Variants in ZNF395 observed in about 807,000 individuals in gnomAD.
ZNF395 encodes zinc finger protein 395, also known as HD gene regulatory region-binding protein 2.
A neutral mutation model predicts 57.7 loss-of-function variants in ZNF395; 20 were observed. The observed-to-expected ratio is 0.35, with a 90% CI of 0.24 to 0.50. The LOEUF (loss-of-function observed/expected upper bound fraction) is 0.50. Among genes scored for constraint, ZNF395 ranks in the 20% least tolerant of loss-of-function variants. The probability of loss-of-function intolerance (pLI) is 0.97; values close to 1 mark genes in which losing one functional copy is unlikely to be tolerated. For missense variants in ZNF395, 606 were observed against 671.2 expected (o/e 0.90, Z 1.07); for synonymous variants, 295 against 275.9 (o/e 1.07, Z -0.69).
chr8:28,357,858 A>G (rs1467719555), intron 3 of ZNF395, among the ~76,000 whole-genome samples: 3 of 152,228 alleles, frequency 2.0e-5, no homozygotes, highest in African/African-American at 4.8e-5. Flanking sequence ...CACATCTTGT[A>G]TATAAGACAA....
At chr8:28,383,263 G>A (rs1802131665) in intron 1 of ZNF395, among the ~76,000 whole-genome samples, 1 of 152,106 alleles carries the variant, frequency 6.6e-6, no homozygotes. Context: ...GTTGAGGCTT[G>A]GGGAATTTGT....
chr8:28,350,151 C>T lies in ZNF395; in HGVS notation c.1239G>A (p.Leu413=). The T allele has an allele frequency of 6.2e-7, 1 of 1,604,672 alleles. No homozygotes were observed. The highest frequency in any genetic ancestry group is 8.5e-7 in the Non-Finnish European group (1 of 1,177,128). Residue 413 remains leucine, a synonymous_variant, in exon 8 of 10, where the codon CTG becomes CTA. Coordinates refer to ENST00000344423, the MANE Select transcript of ZNF395 (RefSeq NM_018660.3). The part of the protein sequence containing the change: ...HIQADHAYQA[L]PSFQIPVSPH... ...GTGAGACTGGGATCTGGAAGGATGGCAGAGCCTGCGGAAGACGAGGGTGTC... is the reference window on the plus strand; with the variant it reads ...GTGAGACTGGGATCTGGAAGGATGGTAGAGCCTGCGGAAGACGAGGGTGTC...
chr8:28,385,672 C>T (rs947758253), intron 1 of ZNF395, among the ~76,000 whole-genome samples: 1 of 148,602 alleles, frequency 6.7e-6, no homozygotes, highest in African/African-American at 2.4e-5. Context: ...GGGCGGGCGG[C>T]CCCGCCGGAA....
In ZNF395 at chr8:28,356,935, G is replaced by A. The variant is rs964717703; in HGVS notation, c.474-156C>T. ...GCCCCCAACTCCAATCAGCCAGTGTGTGCTCAGATCATATAAACTCAGTGA... is the reference window on the plus strand; with the variant it reads ...GCCCCCAACTCCAATCAGCCAGTGTATGCTCAGATCATATAAACTCAGTGA... On this transcript the variant is annotated intron_variant, in intron 3 of 9. Coordinates refer to ENST00000344423, the MANE Select transcript of ZNF395 (RefSeq NM_018660.3). This position sits in a 1 kb window ranked among gnomAD's most constrained non-coding sequence, Gnocchi z 4.0. Among the ~76,000 whole-genome samples, 1 of 152,176 alleles carries A rather than the reference G, an allele frequency of 6.6e-6. No homozygotes were observed. Among genetic ancestry groups the A allele is most frequent in the African/African-American group, 2.4e-5 (1 of 41,436 alleles).
At chr8:28,360,156 A>G (rs1038858576) in intron 2 of ZNF395, among the ~76,000 whole-genome samples, 1 of 152,162 alleles carries the variant, frequency 6.6e-6, no homozygotes, top group Non-Finnish European at 1.5e-5. Flanking sequence ...CTGGTGCCCA[A>G]CTGCCACTCT....
At chr8:28,385,404 C>CCG (rs1554520848) in intron 1 of ZNF395, 20 of 150,410 alleles carry the variant, frequency 1.3e-4, no homozygotes, top group Admixed American at 1.2e-3. Flanking sequence ...GCAGCCCCGC[C>CCG]CCCCCCCCGG....
At chr8:28,371,608 T>C (rs1196639671) in intron 1 of ZNF395, among the ~76,000 whole-genome samples, 1 of 152,214 alleles carries the variant, frequency 6.6e-6, no homozygotes, top group East Asian at 1.9e-4. Context: ...AATGTGGTAT[T>C]AGTGGTTGTG....
chr8:28,353,139 A>G (rs1235605005), intron 5 of ZNF395, 34 bp downstream of exon 5: 2 of 1,605,346 alleles, frequency 1.2e-6, no homozygotes, highest in East Asian at 4.5e-5. Context: ...CATCCGCTCC[A>G]GCCTGGGCTC....
At position 28,377,336 on chromosome 8, in the gene ZNF395, C is replaced by T. The variant is rs373014112; in HGVS notation, c.-59+9057G>A. Among the ~76,000 whole-genome samples the T allele has an allele frequency of 1.3e-4, 20 of 152,214 alleles. No homozygotes were observed. In the East Asian group the frequency reaches 1.5e-3, roughly 12 times the overall value. Reference sequence around the variant, plus strand: ...GGAGGATGCCTCGAGCCCAGTGGGTCGAGGCTGCAGTAAACCATGATTGCG... The same window carrying T: ...GGAGGATGCCTCGAGCCCAGTGGGTTGAGGCTGCAGTAAACCATGATTGCG... On this transcript the variant is annotated intron_variant, in intron 1 of 9. Coordinates refer to ENST00000344423, the MANE Select transcript of ZNF395 (RefSeq NM_018660.3).
chr8:28,381,022 TG>T (rs1387806529), intron 1 of ZNF395, among the ~76,000 whole-genome samples: 1 of 86,540 alleles, frequency 1.2e-5, no homozygotes, highest in African/African-American at 8.1e-5. Flanking sequence ...CTAGTGTGTG[TG>T]TGTGTGTGTG....
chr8:28,375,918 T>C (rs973313434), intron 1 of ZNF395, among the ~76,000 whole-genome samples: 1 of 152,210 alleles, frequency 6.6e-6, no homozygotes, highest in Non-Finnish European at 1.5e-5. Context: ...GTGTTTTTAC[T>C]AAGAGAGTTG....
chr8:28,381,059 T>G (rs951614339), intron 1 of ZNF395, among the ~76,000 whole-genome samples: 1 of 100,768 alleles, frequency 9.9e-6, no homozygotes, highest in Non-Finnish European at 2.4e-5. Context: ...GTGTGTGTGT[T>G]TTGACGGAGT....
rs1025075361 is a variant in ZNF395, at chr8:28,378,819, T to C, written c.-59+7574A>G. Among the ~76,000 whole-genome samples the C allele has an allele frequency of 3.3e-5, 5 of 152,356 alleles. No individual in the cohort carries two copies. In the East Asian group the frequency reaches 5.8e-4, roughly 18 times the overall value. On this transcript the variant is annotated intron_variant, in intron 1 of 9. Coordinates refer to ENST00000344423, the MANE Select transcript of ZNF395 (RefSeq NM_018660.3). ...CCTAATCAACAGCATTCAGCCCTACTTGAATACCGCCAACAGCCGTAAGCT... is the reference window on the plus strand; with the variant it reads ...CCTAATCAACAGCATTCAGCCCTACCTGAATACCGCCAACAGCCGTAAGCT...
Position 28,366,515 on chromosome 8 carries a change from AGG to A in ZNF395, c.-58-5335_-58-5334del, listed in dbSNP as rs879555565. ...GAGCTCTAAATAAATAAATAATCAA[AGG>A]CCAAAATGTTTGCAGTGAATGTTTG... On this transcript the variant is annotated intron_variant, in intron 1 of 9. Coordinates refer to ENST00000344423, the MANE Select transcript of ZNF395 (RefSeq NM_018660.3). Among the ~76,000 whole-genome samples the A allele has an allele frequency of 6.5e-3, 986 of 152,304 alleles. 5 individuals are homozygous for A. Among genetic ancestry groups the A allele is most frequent in the Non-Finnish European group, 0.01 (681 of 68,030 alleles).
intron 7 of ZNF395, among the ~76,000 whole-genome samples, chr8:28,350,879 A>G (rs904052): frequency 1 from 152,375 of 152,378 alleles, 76,186 homozygotes; most frequent in Middle Eastern, 1. Flanking sequence ...CATCCTAAAT[A>G]TCACCCTCTG....
intron 1 of ZNF395, among the ~76,000 whole-genome samples, chr8:28,382,581 G>A (rs917972907): frequency 6.6e-6 from 1 of 152,056 alleles, no homozygotes; most frequent in South Asian, 2.1e-4. Context: ...AGCCCCACCA[G>A]CACAGAACAC....
intron 7 of ZNF395, among the ~76,000 whole-genome samples, chr8:28,350,537 T>C (rs1035236839): frequency 2.6e-4 from 40 of 152,318 alleles, no homozygotes; most frequent in Non-Finnish European, 2.8e-4. Context: ...GGATAAGATA[T>C]GGGATCTTCC....
chr8:28,369,508 G>A (rs1801952131), intron 1 of ZNF395, among the ~76,000 whole-genome samples: 1 of 152,208 alleles, frequency 6.6e-6, no homozygotes, highest in African/African-American at 2.4e-5. Context: ...TTCCATGCTT[G>A]GAGCTCAACA....
Position 28,351,637 on chromosome 8 carries a change from A to C in ZNF395, c.1091T>G (p.Leu364Arg). The change falls in exon 7 of 10, where the codon CTG (leucine) becomes CGG (arginine). Residue 364 changes from leucine to arginine, a missense_variant. This residue lies in a region of ZNF395 where 261 missense variants were observed against 240.3 expected (regional missense o/e 1.09). Coordinates refer to ENST00000344423, the MANE Select transcript of ZNF395 (RefSeq NM_018660.3). ...GTGCAGAGGTGGTGGAAGAGCAGAC[A>C]GAGGCAGGCCAGTCATGCTGGGGGT... ...APTPSMTGLPLSALPPPLHKA... is the reference protein window; with the variant it reads ...APTPSMTGLPRSALPPPLHKA... The C allele has an allele frequency of 6.2e-7, 1 of 1,613,512 alleles. No homozygotes were observed. The highest frequency in any genetic ancestry group is 1.1e-5 in the South Asian group (1 of 91,084).
Sources: allele counts gnomAD v4.1 joint callset (sites outside exome capture counted in the v4.1 genomes callset), GRCh38; gene constraint gnomAD v4.1.1; regional missense constraint gnomAD v4.1.1; non-coding constraint Gnocchi (gnomAD v3.1); transcripts MANE v1.5; gene names NCBI Gene and HGNC (gene_info 2026-07-23, HGNC 2026-07-21).